The following SNTG2 variants were observed in gnomAD, a reference collection of about 807,000 sequenced individuals.
SNTG2 encodes syntrophin gamma 2, also known as gamma-2-syntrophin.
In SNTG2, 74 loss-of-function variants were observed where a neutral mutation model predicts 70.9. That is an observed-to-expected ratio of 1.04 (90% CI 0.86 to 1.27). The LOEUF is 1.27. SNTG2 is among the 50% of genes most tolerant of loss of function. The pLI is 0.00. For synonymous variants in SNTG2, 278 were observed against 273.8 expected (o/e 1.02, Z -0.15); for missense variants, 717 against 690.7 (o/e 1.04, Z -0.43).
Position 1,247,315 on chromosome 2 carries a change from ACC to A in SNTG2, c.889-9_889-8del, listed in dbSNP as rs1553371139. 2 of 1,572,620 alleles carry A rather than the reference ACC, an allele frequency of 1.3e-6. No homozygotes were observed. Among genetic ancestry groups the A allele is most frequent in the South Asian group, 2.2e-5 (2 of 89,852 alleles). On this transcript the variant is annotated splice_polypyrimidine_tract_variant and intron_variant, in intron 11 of 16. Transcript: ENST00000308624. The stretch of plus-strand genomic sequence containing the variant: ...CATTAAGGCTTGGTTTGTAATTTTC[ACC>A]CCTCTGCAGGTTGTGCATATGGGGT...
chr2:1,202,335 G>A (rs990904537), intron 8 of SNTG2, among the ~76,000 whole-genome samples: 2 of 138,246 alleles, frequency 1.4e-5, no homozygotes, highest in Non-Finnish European at 3.2e-5. Context: ...TTTGTGAAGT[G>A]AGGTATAGGA....
intron 2 of SNTG2, among the ~76,000 whole-genome samples, chr2:1,092,940 C>T (rs1572410680): frequency 6.6e-6 from 1 of 152,082 alleles, no homozygotes; most frequent in Non-Finnish European, 1.5e-5. Context: ...AAGATTTTAT[C>T]TGATATGTTT....
intron 16 of SNTG2, among the ~76,000 whole-genome samples, chr2:1,350,367 T>G (rs959050057): frequency 6.6e-6 from 1 of 152,204 alleles, no homozygotes; most frequent in Non-Finnish European, 1.5e-5. Context: ...AATGGAGGTC[T>G]GGAAGGAGGT....
Position 1,223,847 on chromosome 2 carries a change from CCACAGATGGGTGGCCTTACGCAGCA to C in SNTG2, c.720-14022_720-13998del, listed in dbSNP as rs74164503. Among the ~76,000 whole-genome samples the C allele has an allele frequency of 8.2e-4, 123 of 149,716 alleles. 2 individuals carry two copies. The South Asian group carries it at 0.015, about 18-fold the overall frequency. Reference sequence around the variant, plus strand: ...GTTCCACAGATGGGTGACCTTAGTTCCACAGATGGGTGGCCTTACGCAGCACACAGATGGGTGGCCTTATGCAGCA... The same window carrying C: ...GTTCCACAGATGGGTGACCTTAGTTCCACAGATGGGTGGCCTTATGCAGCA... On this transcript the variant is annotated intron_variant, in intron 9 of 16. Coordinates refer to ENST00000308624, the MANE Select transcript of SNTG2 (RefSeq NM_018968.4).
intron 12 of SNTG2, among the ~76,000 whole-genome samples, chr2:1,249,494 A>T (rs988252869): frequency 6.6e-6 from 1 of 152,338 alleles, no homozygotes; most frequent in East Asian, 1.9e-4. Context: ...TGTACTGAAA[A>T]TCCAGAGTGC....
chr2:1,222,095 GT>G, intron 9 of SNTG2, among the ~76,000 whole-genome samples: 1 of 6,978 alleles, frequency 1.4e-4, no homozygotes, highest in African/African-American at 7.1e-4. Flanking sequence ...GTCTCTCTCT[GT>G]CTCTCTCTGT....
At chr2:1,248,037 A>C (rs1383976168) in intron 12 of SNTG2, among the ~76,000 whole-genome samples, 1 of 152,208 alleles carries the variant, frequency 6.6e-6, no homozygotes, top group African/African-American at 2.4e-5. Flanking sequence ...GAGTCTGACC[A>C]TCAGAACTGC....
intron 2 of SNTG2, among the ~76,000 whole-genome samples, chr2:1,095,330 AT>A (rs1312969363): frequency 6.6e-6 from 1 of 152,180 alleles, no homozygotes; most frequent in Non-Finnish European, 1.5e-5. Context: ...CAGAAACTTG[AT>A]TTTAGAGAGA....
At position 1,349,240 on chromosome 2, in the gene SNTG2, C is replaced by A. The variant is rs559864360; in HGVS notation, c.1489-18103C>A. On this transcript the variant is annotated intron_variant, in intron 16 of 16. Transcript: ENST00000308624. ...ACTGGTCCAAGTGGCATCAGTTGTT[C>A]TACTAAAATATAAGGTCTGAAAAAC... Among the ~76,000 whole-genome samples the A allele has an allele frequency of 8.5e-5, 13 of 152,222 alleles. No homozygotes were observed. The South Asian group carries it at 1.0e-3, about 12-fold the overall frequency.
intron 1 of SNTG2, among the ~76,000 whole-genome samples, chr2:1,003,726 A>C (rs778222565): frequency 1.2e-4 from 18 of 152,234 alleles, no homozygotes; most frequent in Non-Finnish European, 2.5e-4. Flanking sequence ...GTGACGATCT[A>C]TTAATAGATG....
At chr2:1,363,535 G>C (rs551677160) in intron 16 of SNTG2, among the ~76,000 whole-genome samples, 1 of 152,308 alleles carries the variant, frequency 6.6e-6, no homozygotes, top group African/African-American at 2.4e-5. Flanking sequence ...AGAGCCAGCA[G>C]GTGCCCTTTC....
At chr2:1,292,651 T>C (rs1258436434) in intron 14 of SNTG2, among the ~76,000 whole-genome samples, 1 of 152,224 alleles carries the variant, frequency 6.6e-6, no homozygotes, top group East Asian at 1.9e-4. Flanking sequence ...GTTGCATTGA[T>C]AGATTTTTCT....
chr2:1,085,948 G>A lies in SNTG2; in HGVS notation c.210+2293G>A, dbSNP rs531674259. On this transcript the variant is annotated intron_variant, in intron 2 of 16. Transcript: ENST00000308624. ...TATTACACTTGTTATGTTAGGTCAC[G>A]GTAGATTTGCAGTTGGAAAGTATTT... Among the ~76,000 whole-genome samples, 94 of 152,214 alleles carry A rather than the reference G, an allele frequency of 6.2e-4. 1 individual carries two copies. Among genetic ancestry groups the A allele is most frequent in the African/African-American group, 2.1e-3 (89 of 41,538 alleles).
intron 1 of SNTG2, among the ~76,000 whole-genome samples, chr2:1,039,394 A>C (rs1207945975): frequency 6.6e-6 from 1 of 152,216 alleles, no homozygotes; most frequent in Non-Finnish European, 1.5e-5. Context: ...TGTCAAATTC[A>C]GATTATTCAA....
At chr2:1,052,899 G>C (rs867114327) in intron 1 of SNTG2, among the ~76,000 whole-genome samples, 1 of 152,164 alleles carries the variant, frequency 6.6e-6, no homozygotes, top group Non-Finnish European at 1.5e-5. Context: ...TTTGAAAGTC[G>C]TAAGCTCACA....
At chr2:1,041,629 C>T (rs569513164) in intron 1 of SNTG2, among the ~76,000 whole-genome samples, 2 of 152,196 alleles carry the variant, frequency 1.3e-5, no homozygotes, top group South Asian at 2.1e-4. Context: ...ATGAGCAGCA[C>T]CTCCCCTCCC....
intron 8 of SNTG2, among the ~76,000 whole-genome samples, chr2:1,184,923 T>G (rs570567098): frequency 6.6e-6 from 1 of 152,218 alleles, no homozygotes; most frequent in African/African-American, 2.4e-5. Context: ...AACTCAAAAG[T>G]CCATAGTTCA....
chr2:1,204,134 G>A (rs910663125), intron 8 of SNTG2, among the ~76,000 whole-genome samples: 25 of 152,162 alleles, frequency 1.6e-4, no homozygotes, highest in Admixed American at 7.2e-4. Flanking sequence ...GGGCTGGAGG[G>A]ATTGCCTGCA....
intron 14 of SNTG2, among the ~76,000 whole-genome samples, chr2:1,298,597 C>T (rs1310530925): frequency 6.6e-6 from 1 of 152,188 alleles, no homozygotes; most frequent in Non-Finnish European, 1.5e-5. Flanking sequence ...CTGCTTTCCA[C>T]ACCCGCCTTC....
Sources: gnomAD v4.1 joint callset for allele counts (sites outside exome capture counted in the v4.1 genomes callset) on GRCh38, gnomAD v4.1.1 for gene constraint, MANE v1.5 for transcripts, NCBI Gene and HGNC (gene_info 2026-07-23, HGNC 2026-07-21) for gene names.